MYO1D: variants seen among roughly 807,000 people sequenced by gnomAD.
MYO1D encodes the protein unconventional myosin-Id.
Under a neutral mutation model 122.0 loss-of-function variants are expected in MYO1D, and 83 were observed. The ratio of observed to expected loss-of-function variants is 0.68; its 90% confidence interval spans 0.57 to 0.82. MYO1D has a LOEUF of 0.82. Ranked by LOEUF, MYO1D falls within the 40% of genes least tolerant of loss-of-function variation. The pLI, the probability that MYO1D is intolerant of heterozygous loss-of-function variation, is 0.00. For missense variants in MYO1D, 1,157 were observed against 1,269.5 expected, an observed-to-expected ratio of 0.91 and a Z score of 1.35; for synonymous variants, 464 against 446.9, an observed-to-expected ratio of 1.04 and a Z score of -0.48.
chr17:32,607,575 T>C (rs2087644115), intron 20 of MYO1D, among the ~76,000 whole-genome samples: 1 of 152,086 alleles, frequency 6.6e-6, no homozygotes, highest in Admixed American at 6.5e-5. Flanking sequence ...ATTCTTAAGA[T>C]ACCAATTTTT....
chr17:32,864,927 T>C (rs1456147775), intron 1 of MYO1D, among the ~76,000 whole-genome samples: 1 of 152,154 alleles, frequency 6.6e-6, no homozygotes, highest in African/African-American at 2.4e-5. Flanking sequence ...TAGGAAAGGT[T>C]GAATGCAATT....
rs530642682 is a variant in MYO1D at position 32,494,638 on chromosome 17, G to C, written c.*121C>G. On this transcript the variant is annotated 3_prime_UTR_variant, in exon 22 of 22. Coordinates refer to ENST00000318217, the MANE Select transcript of MYO1D (RefSeq NM_015194.3). ...CAGGAAGGAAATCTTACAGGGGCGG[G>C]GCTCCTCTGGGAGGGGCCCTCGCAG... 8.5e-6 allele frequency: 10 copies of C among 1,169,818 alleles called. No homozygotes were observed. In the African/African-American group the frequency reaches 1.6e-4, roughly 18 times the overall value. The allele number at this position is 1,169,818 out of a possible 1,614,324, so 72.5% of individuals were successfully genotyped here.
chr17:32,694,902 C>A (rs1049920716), intron 16 of MYO1D, among the ~76,000 whole-genome samples: 1 of 152,020 alleles, frequency 6.6e-6, no homozygotes, highest in Non-Finnish European at 1.5e-5. Flanking sequence ...GTCAGTGATA[C>A]CAGCTATCCA....
At chr17:32,512,067 G>A (rs1909713451) in intron 21 of MYO1D, among the ~76,000 whole-genome samples, 1 of 152,156 alleles carries the variant, frequency 6.6e-6, no homozygotes, top group Non-Finnish European at 1.5e-5. Context: ...TTGGGAGGCC[G>A]AGGTGGGCGG....
At chr17:32,833,081 T>C (rs1042671142) in intron 1 of MYO1D, among the ~76,000 whole-genome samples, 3 of 152,232 alleles carry the variant, frequency 2.0e-5, no homozygotes, top group Admixed American at 6.5e-5. Context: ...ATCTCAGAAC[T>C]GTACATCCAC....
At chr17:32,606,357 G>C (rs1367780791) in intron 20 of MYO1D, among the ~76,000 whole-genome samples, 1 of 152,118 alleles carries the variant, frequency 6.6e-6, no homozygotes, top group African/African-American at 2.4e-5. Flanking sequence ...CTTTGAAGCT[G>C]GCATTATTCT....
At chr17:32,768,472 C>T (rs2090082791) in intron 6 of MYO1D, among the ~76,000 whole-genome samples, 1 of 152,130 alleles carries the variant, frequency 6.6e-6, no homozygotes, top group Non-Finnish European at 1.5e-5. Context: ...TTAGTTTTAC[C>T]ACAGCAGCAG....
chr17:32,770,578 A>G (rs2090103155), intron 6 of MYO1D, among the ~76,000 whole-genome samples: 2 of 152,172 alleles, frequency 1.3e-5, no homozygotes, highest in South Asian at 4.1e-4. Context: ...TAAAAGAGCA[A>G]AAATACGCCT....
chr17:32,826,249 C>T (rs540286735), intron 1 of MYO1D, among the ~76,000 whole-genome samples: 2 of 152,120 alleles, frequency 1.3e-5, no homozygotes, highest in East Asian at 3.9e-4. Context: ...CATAACTTAA[C>T]CATACAAGTC....
At chr17:32,532,213 T>G (rs184062302) in intron 21 of MYO1D, among the ~76,000 whole-genome samples, 1 of 152,356 alleles carries the variant, frequency 6.6e-6, no homozygotes, top group African/African-American at 2.4e-5. Flanking sequence ...CTCTGTGAAT[T>G]ATTTTCTGAT....
At chr17:32,698,412 TA>T in intron 16 of MYO1D, among the ~76,000 whole-genome samples, 1 of 147,118 alleles carries the variant, frequency 6.8e-6, no homozygotes, top group Admixed American at 6.9e-5. Context: ...AGGACAAAAG[TA>T]ATCAATTTTA....
chr17:32,707,700 T>C (rs915345718), intron 16 of MYO1D, among the ~76,000 whole-genome samples: 1 of 152,224 alleles, frequency 6.6e-6, no homozygotes, highest in Admixed American at 6.5e-5. Context: ...CCCTAAGTAA[T>C]AAGATTGGTT....
chr17:32,622,209 C>A (rs1235034225), intron 20 of MYO1D, among the ~76,000 whole-genome samples: 2 of 152,126 alleles, frequency 1.3e-5, no homozygotes, highest in African/African-American at 4.8e-5. Context: ...GCCTGTTGTT[C>A]TCGCACATAA....
At chr17:32,823,580 C>T (rs1159167457) in intron 1 of MYO1D, among the ~76,000 whole-genome samples, 5 of 151,672 alleles carry the variant, frequency 3.3e-5, no homozygotes, top group Non-Finnish European at 7.4e-5. Flanking sequence ...CCCAATTTGG[C>T]GAAATACACC....
At chr17:32,712,518 TCTGTCATGGGTCCTG>T (rs1271418202) in intron 15 of MYO1D, among the ~76,000 whole-genome samples, 3 of 152,178 alleles carry the variant, frequency 2.0e-5, no homozygotes, top group African/African-American at 7.2e-5. Context: ...GAAGGGTGGC[TCTGTCATGGGTCCTG>T]CTCGGCATTG....
At chr17:32,593,941 A>G (rs1201972737) in intron 21 of MYO1D, among the ~76,000 whole-genome samples, 1 of 152,244 alleles carries the variant, frequency 6.6e-6, no homozygotes, top group Admixed American at 6.5e-5. Context: ...CATCTCAAAA[A>G]AACAAAACAA....
intron 1 of MYO1D, among the ~76,000 whole-genome samples, chr17:32,805,310 C>T (rs1327602351): frequency 6.6e-6 from 1 of 152,168 alleles, no homozygotes; most frequent in African/African-American, 2.4e-5. Context: ...CAAACTAAGA[C>T]ATTAGGGAAA....
intron 20 of MYO1D, among the ~76,000 whole-genome samples, chr17:32,612,557 G>C (rs573540696): frequency 6.6e-6 from 1 of 151,340 alleles, no homozygotes; most frequent in South Asian, 2.1e-4. Context: ...GTGGTGGTGC[G>C]TGCCTGTAGT....
chr17:32,644,091 G>A (rs1319909185), intron 19 of MYO1D, among the ~76,000 whole-genome samples: 6 of 151,948 alleles, frequency 3.9e-5, no homozygotes, highest in South Asian at 2.1e-4. Flanking sequence ...CTTTGAATGT[G>A]TCCCAGAGAT....
Sources: gnomAD v4.1 joint callset for allele counts (sites outside exome capture counted in the v4.1 genomes callset) on GRCh38, gnomAD v4.1.1 for gene constraint, MANE v1.5 for transcripts, NCBI Gene and HGNC (gene_info 2026-07-23, HGNC 2026-07-21) for gene names.